ACBD5: variants seen among roughly 807,000 people sequenced by gnomAD.
The protein encoded by ACBD5 is acyl-CoA-binding domain-containing protein 5.
Under a neutral mutation model 71.8 loss-of-function variants are expected in ACBD5, and 40 were observed. The ratio of observed to expected loss-of-function variants is 0.56; its 90% CI spans 0.43 to 0.72. ACBD5 has a LOEUF of 0.72. Among genes scored for constraint, ACBD5 ranks in the 30% least tolerant of loss-of-function variants. The pLI is 0.00. For synonymous variants in ACBD5, 229 were observed against 218.6 expected (o/e 1.05, Z -0.42); for missense variants, 559 against 644.5 (o/e 0.87, Z 1.44).
chr10:27,199,024 G>A (rs1461787258), intron 12 of ACBD5, among the ~76,000 whole-genome samples: 1 of 151,708 alleles, frequency 6.6e-6, no homozygotes, highest in African/African-American at 2.4e-5. Context: ...CAGGAGAATC[G>A]CTTGAACCTG....
chr10:27,220,581 T>G (rs1229595437), intron 5 of ACBD5: 1 of 152,192 alleles, frequency 6.6e-6, no homozygotes, highest in Non-Finnish European at 1.5e-5. Flanking sequence ...TTTGAGAACA[T>G]GGATTGAAAG....
intron 12 of ACBD5, among the ~76,000 whole-genome samples, chr10:27,202,890 A>C (rs1013388579): frequency 6.6e-6 from 1 of 151,910 alleles, no homozygotes; most frequent in Non-Finnish European, 1.5e-5. Flanking sequence ...ACTGTAGAGC[A>C]CTAAACCCAA....
chr10:27,202,962 A>G (rs1333328194), intron 12 of ACBD5, among the ~76,000 whole-genome samples: 2 of 138,722 alleles, frequency 1.4e-5, no homozygotes, highest in Admixed American at 8.0e-5. Context: ...ATTCAGGTCT[A>G]TATCCTCTTT....
chr10:27,207,000 G>A (rs575115924), intron 10 of ACBD5, among the ~76,000 whole-genome samples: 3 of 151,788 alleles, frequency 2.0e-5, no homozygotes, highest in South Asian at 2.1e-4. Context: ...CTGAGAGGCC[G>A]GGCACGGTGG....
rs12572325 is a variant in ACBD5, at chr10:27,219,817, G to A, written c.531C>T (p.Thr177=). ...NVLTSTPNAK[T]VNGKAESSDS... is the part of the protein sequence containing the mutation. ...CACTGCTTTCAGCTTTACCATTAAC[G>A]GTTTTGGCGTTTGGAGTAGAAGTGA... Residue 177 remains threonine (T), a synonymous_variant, in exon 6 of 13, where the codon ACC becomes ACT. Coordinates refer to ENST00000396271, the MANE Select transcript of ACBD5 (RefSeq NM_145698.5). The A allele has an allele frequency of 0.018, 28,455 of 1,613,876 alleles. 1,930 individuals carry two copies. Among genetic ancestry groups the A allele is most frequent in the East Asian group, 0.17 (7,509 of 44,850 alleles).
chr10:27,205,234 T>C lies in ACBD5; in HGVS notation c.1419A>G (p.Thr473=). Residue 473 remains threonine, a synonymous_variant, in exon 11 of 13, where the codon ACA becomes ACG. Transcript: ENST00000396271. ...TLTALQAKSS[T]STLQTAPQPT... ...GCTGAGGAGCAGTCTGCAATGTTGA[T>C]GTTGATGATTTTGCCTGTAAATGCA... 1.2e-6 allele frequency: 2 copies of C among 1,613,298 alleles called. No homozygotes were observed. The highest frequency in any genetic ancestry group is 1.7e-4 in the Middle Eastern group (1 of 5,740).
Position 27,240,737 on chromosome 10 carries a change from C to T in ACBD5, c.-49G>A, listed in dbSNP as rs1564748080. On this transcript the variant is annotated 5_prime_UTR_variant, in exon 1 of 13. Coordinates refer to ENST00000396271, the MANE Select transcript of ACBD5 (RefSeq NM_145698.5). This position sits in a 1 kb window ranked among gnomAD's most constrained non-coding sequence, Gnocchi z 4.1. ...CCGGGCATCGGTGGCCGCGGAGCCG[C>T]TCTCCCACCCTGGGGACCCTGGCGG... 4 of 1,550,204 alleles carry T rather than the reference C, an allele frequency of 2.6e-6. No homozygotes were observed. Among genetic ancestry groups the T allele is most frequent in the South Asian group, 2.4e-5 (2 of 84,048 alleles).
At chr10:27,186,651 A>C in intron 13 of ACBD5, 1 of 983,950 alleles carries the variant, frequency 1.0e-6, no homozygotes, top group Non-Finnish European at 1.6e-6. Flanking sequence ...ACCTAGTTCA[A>C]TGTGCTTTTA....
chr10:27,240,190 G>T lies in ACBD5; in HGVS notation c.181+129C>A. On this transcript the variant is annotated intron_variant, in intron 2 of 12. Coordinates refer to ENST00000396271, the MANE Select transcript of ACBD5 (RefSeq NM_145698.5). This position sits in a 1 kb window ranked among gnomAD's most constrained non-coding sequence, Gnocchi z 4.1. ...AAAGGTAATTAATTCATATTCAATAGCTCCCCTTCCACTACATGGCTCCTA... is the reference window on the plus strand; with the variant it reads ...AAAGGTAATTAATTCATATTCAATATCTCCCCTTCCACTACATGGCTCCTA... 7.1e-7 allele frequency: 1 copy of T among 1,405,238 alleles called. No homozygotes were observed. The highest frequency in any genetic ancestry group is 1.4e-5 in the African/African-American group (1 of 69,998). 87.0% of individuals were successfully genotyped at this position (1,405,238 alleles called of 1,614,324 possible).
chr10:27,183,981 G>A (rs2058482280), intron 13 of ACBD5, among the ~76,000 whole-genome samples: 1 of 152,080 alleles, frequency 6.6e-6, no homozygotes, highest in Non-Finnish European at 1.5e-5. Context: ...CTAAGTACTG[G>A]GATTACAGGC....
intron 4 of ACBD5, among the ~76,000 whole-genome samples, chr10:27,228,815 A>ATATATATATATATAT (rs1554856598): frequency 1.5e-4 from 3 of 20,368 alleles, no homozygotes; most frequent in Admixed American, 7.2e-4. Context: ...ATATATATAT[A>ATATATATATATATAT]TTTTTTTTTT....
chr10:27,226,449 TACACACACACACAC>T lies in ACBD5; in HGVS notation c.376-3011_376-2998del, dbSNP rs66967226. On this transcript the variant is annotated intron_variant, in intron 4 of 12. Coordinates refer to ENST00000396271, the MANE Select transcript of ACBD5 (RefSeq NM_145698.5). ...ACATGTACACACATGAGATACAGAC[TACACACACACACAC>T]ACACACACACACACACACACACACA... Among the ~76,000 whole-genome samples the T allele has an allele frequency of 9.4e-4, 127 of 135,044 alleles. 2 individuals carry two copies. The highest frequency in any genetic ancestry group is 3.1e-3 in the African/African-American group (104 of 33,434). 88.6% of individuals were successfully genotyped at this position (135,044 alleles called of 152,430 possible).
chr10:27,203,633 G>A (rs1233337345), intron 12 of ACBD5, among the ~76,000 whole-genome samples: 1 of 152,198 alleles, frequency 6.6e-6, no homozygotes, highest in Non-Finnish European at 1.5e-5. Flanking sequence ...CAGCTACTTG[G>A]GAGGCTGAGG....
chr10:27,231,733 A>C lies in ACBD5; in HGVS notation c.375+15T>G. ...GCTCTGAATTTTCATTTTAACTGTG[A>C]ATTATTTTCCCTACCTTTTTCATTT... On this transcript the variant is annotated intron_variant, in intron 4 of 12. Transcript: ENST00000396271. The C allele has an allele frequency of 1.2e-6, 2 of 1,612,348 alleles. No homozygotes were observed. The highest frequency in any genetic ancestry group is 1.7e-6 in the Non-Finnish European group (2 of 1,178,804).
intron 9 of ACBD5, 33 bp downstream of exon 9, chr10:27,210,781 T>C: frequency 6.2e-7 from 1 of 1,613,748 alleles, no homozygotes; most frequent in Non-Finnish European, 8.5e-7. Flanking sequence ...AGTAAATCAA[T>C]AAAGGTGAGG....
At position 27,195,635 on chromosome 10, in the gene ACBD5, T is replaced by A. The variant is rs1206491858; in HGVS notation, c.*1795A>T. 2 of 422,374 alleles carry A rather than the reference T, an allele frequency of 4.7e-6. No individual in the cohort carries two copies. Among genetic ancestry groups the A allele is most frequent in the Non-Finnish European group, 9.2e-6 (2 of 217,296 alleles). The allele number at this position is 422,374 out of a possible 1,614,324, so 26.2% of individuals were successfully genotyped here. ...ATATAAATTCAGTTGCTTGCTTCAC[T>A]TTTTCCTAAATAAATAGGGAACACT... On this transcript the variant is annotated 3_prime_UTR_variant, in exon 13 of 13. Transcript: ENST00000396271.
rs1267104013 is a variant in ACBD5, at chr10:27,196,506, G to C, written c.*924C>G. The C allele has an allele frequency of 2.2e-6, 1 of 454,184 alleles. No homozygotes were observed. The highest frequency in any genetic ancestry group is 4.4e-6 in the Non-Finnish European group (1 of 226,772). The allele number at this position is 454,184 out of a possible 1,614,324, so 28.1% of individuals were successfully genotyped here. On this transcript the variant is annotated 3_prime_UTR_variant, in exon 13 of 13. Transcript: ENST00000396271. The stretch of plus-strand genomic sequence containing the variant: ...AAAAACTGAGGCACTAAGAGGTTAA[G>C]AGTCCAGTCTATATAGTTCATCAGT...
chr10:27,188,523 C>G (rs1174845913), intron 13 of ACBD5, among the ~76,000 whole-genome samples: 1 of 152,134 alleles, frequency 6.6e-6, no homozygotes, highest in Non-Finnish European at 1.5e-5. Context: ...TTAGTTGCTA[C>G]CCAGGATATT....
chr10:27,196,266 G>A lies in ACBD5; in HGVS notation c.*1164C>T, dbSNP rs1168938894. The A allele has an allele frequency of 8.8e-6, 4 of 453,984 alleles. No individual in the cohort carries two copies. Among genetic ancestry groups the A allele is most frequent in the Non-Finnish European group, 1.8e-5 (4 of 226,800 alleles). 28.1% of individuals were successfully genotyped at this position (453,984 alleles called of 1,614,324 possible). On this transcript the variant is annotated 3_prime_UTR_variant, in exon 13 of 13. Transcript: ENST00000396271. ...TCTTCAAAGCACAAGGTACATCTAA[G>A]TGAGCAGGAAGTTTTGGAAGGCATA... is the stretch of plus-strand genomic sequence containing the variant.
Sources: allele counts gnomAD v4.1 joint callset (sites outside exome capture counted in the v4.1 genomes callset), GRCh38; gene constraint gnomAD v4.1.1; non-coding constraint Gnocchi (gnomAD v3.1); transcripts MANE v1.5; gene names NCBI Gene and HGNC (gene_info 2026-07-23, HGNC 2026-07-21).